Variants in PDC observed in about 807,000 individuals in gnomAD.
PDC encodes phosducin, also known as 33 kDa phototransducing protein.
In PDC, 19 loss-of-function variants were observed where a neutral mutation model predicts 22.2. The ratio of observed to expected loss-of-function variants is 0.86; its 90% CI spans 0.60 to 1.26. The LOEUF (loss-of-function observed/expected upper bound fraction) is 1.26, where lower values mean the gene tolerates loss of function less well. PDC is among the 50% of genes most tolerant of loss of function. The pLI is 0.00. For missense variants in PDC, 274 were observed against 286.8 expected, an observed-to-expected ratio of 0.96 and a Z score of 0.32; for synonymous variants, 97 against 96.2, an observed-to-expected ratio of 1.01 and a Z score of -0.05.
intron 1 of PDC, among the ~76,000 whole-genome samples, chr1:186,454,138 G>A (rs1235263212): frequency 6.7e-6 from 1 of 148,938 alleles, no homozygotes; most frequent in Non-Finnish European, 1.5e-5. Context: ...GAATGTAATA[G>A]AAGAGTCTGT....
chr1:186,449,062 G>A (rs1297214159), intron 2 of PDC, among the ~76,000 whole-genome samples: 1 of 151,968 alleles, frequency 6.6e-6, no homozygotes, highest in African/African-American at 2.4e-5. Context: ...GTCTAATCTT[G>A]TTTACAATGA....
chr1:186,454,168 C>CTTTTTTTTTT (rs397860509), intron 1 of PDC, among the ~76,000 whole-genome samples: 214 of 94,210 alleles, frequency 2.3e-3, no homozygotes, highest in East Asian at 2.8e-3. Context: ...TCTTTTCTTT[C>CTTTTTTTTTT]TTTTTTTTTT....
chr1:186,446,707 T>C, intron 2 of PDC, 130 bp from the exon 3 acceptor site: 1 of 518,194 alleles, frequency 1.9e-6, no homozygotes, highest in Non-Finnish European at 3.3e-6. Context: ...AACATCTTGT[T>C]TGGACTAGAA....
Position 186,452,791 on chromosome 1 carries a change from T to C in PDC, c.-24-3308A>G, listed in dbSNP as rs181062750. Among the ~76,000 whole-genome samples the C allele has an allele frequency of 1.5e-3, 232 of 152,290 alleles. 2 individuals carry two copies. The highest frequency in any genetic ancestry group is 0.014 in the Admixed American group (215 of 15,302). On this transcript the variant is annotated intron_variant, in intron 1 of 3. Transcript: ENST00000391997. ...TACAGGTCTTTGGGTAAGCACATCT[T>C]TGTGTGATTGGAAATTGGTAATAAA...
At chr1:186,459,035 G>T (rs1454847449) in intron 1 of PDC, among the ~76,000 whole-genome samples, 1 of 152,188 alleles carries the variant, frequency 6.6e-6, no homozygotes, top group Admixed American at 6.5e-5. Flanking sequence ...GGTGGTGGGT[G>T]CCTGTAGTCC....
chr1:186,457,678 G>T (rs1366618412), intron 1 of PDC, among the ~76,000 whole-genome samples: 1 of 152,072 alleles, frequency 6.6e-6, no homozygotes, highest in Non-Finnish European at 1.5e-5. Flanking sequence ...TTTACATTTG[G>T]TGGTATCATA....
chr1:186,452,118 C>T (rs1662365748), intron 1 of PDC, among the ~76,000 whole-genome samples: 1 of 152,182 alleles, frequency 6.6e-6, no homozygotes, highest in African/African-American at 2.4e-5. Context: ...TATTATGAGC[C>T]ATTAATAGAT....
At chr1:186,456,929 G>A (rs1662484645) in intron 1 of PDC, among the ~76,000 whole-genome samples, 1 of 152,314 alleles carries the variant, frequency 6.6e-6, no homozygotes, top group East Asian at 1.9e-4. Flanking sequence ...AAACTGCTAA[G>A]TGGGCAAAAT....
intron 2 of PDC, among the ~76,000 whole-genome samples, chr1:186,448,458 A>G (rs1048774672): frequency 3.3e-5 from 5 of 152,096 alleles, no homozygotes; most frequent in African/African-American, 1.2e-4. Flanking sequence ...GACACTGTCA[A>G]CTGAGTTGCA....
intron 2 of PDC, among the ~76,000 whole-genome samples, chr1:186,447,351 G>T (rs112697836): frequency 0.019 from 2,895 of 152,168 alleles, 101 homozygotes; most frequent in African/African-American, 0.067. Flanking sequence ...ATTTCACTAT[G>T]TTGGCCAGGC....
At chr1:186,459,868 TGC>T (rs1662546144) in intron 1 of PDC, among the ~76,000 whole-genome samples, 6 of 148,576 alleles carry the variant, frequency 4.0e-5, no homozygotes, top group Non-Finnish European at 5.9e-5. Flanking sequence ...ATTTTCATGA[TGC>T]AAACTGTAAG....
Position 186,447,629 on chromosome 1 carries a change from C to A in PDC, c.62-1052G>T, listed in dbSNP as rs190029608. ...TTAGCTATATCTACACCTTTAATGT[C>A]CATATTCTATATCATATTCTATATG... On this transcript the variant is annotated intron_variant, in intron 2 of 3. Transcript: ENST00000391997. 2.2e-4 allele frequency among the ~76,000 whole-genome samples: 33 copies of A among 152,176 alleles called. No homozygotes were observed. In the East Asian group the frequency reaches 6.2e-3, roughly 28 times the overall value.
chr1:186,451,339 A>C (rs1159367734), intron 1 of PDC: 1 of 152,216 alleles, frequency 6.6e-6, no homozygotes, highest in African/African-American at 2.4e-5. Context: ...AGCATAATGG[A>C]AAATGGAAAG....
intron 1 of PDC, among the ~76,000 whole-genome samples, chr1:186,459,223 A>G (rs1662529529): frequency 6.6e-6 from 1 of 152,154 alleles, no homozygotes; most frequent in Admixed American, 6.5e-5. Flanking sequence ...CCTCCTTTTC[A>G]GGCCCTAGAT....
chr1:186,454,168 C>CTTTTTTTTTTTTTTTTTT (rs397860509), intron 1 of PDC, among the ~76,000 whole-genome samples: 1 of 94,232 alleles, frequency 1.1e-5, no homozygotes, highest in East Asian at 3.5e-4. Flanking sequence ...TCTTTTCTTT[C>CTTTTTTTTTTTTTTTTTT]TTTTTTTTTT....
At position 186,444,181 on chromosome 1, in the gene PDC, C is replaced by T. The variant is rs753963861; in HGVS notation, c.539G>A (p.Arg180His). 1.1e-5 allele frequency: 18 copies of T among 1,613,250 alleles called. No homozygotes were observed. The highest frequency in any genetic ancestry group is 1.6e-4 in the Middle Eastern group (1 of 6,082). ...TGTAGGAAGTACATCTAAGGAAAAGCGGTCCCCAGCACCTGTATTCGAAGC... is the reference window on the plus strand; with the variant it reads ...TGTAGGAAGTACATCTAAGGAAAAGTGGTCCCCAGCACCTGTATTCGAAGC... ...IKASNTGAGD[R>H]FSLDVLPTLL... Residue 180 changes from arginine to histidine, a missense_variant, in exon 4 of 4, where the codon CGC becomes CAC. Transcript: ENST00000391997.
At chr1:186,446,364 G>T in intron 3 of PDC, 62 bp downstream of exon 3, 1 of 1,242,066 alleles carries the variant, frequency 8.1e-7, no homozygotes, top group South Asian at 1.6e-5. Context: ...TGATTCTCTA[G>T]ATTGATTTAG....
chr1:186,451,080 C>T (rs562826940), intron 1 of PDC: 2 of 152,298 alleles, frequency 1.3e-5, no homozygotes, highest in African/African-American at 4.8e-5. Flanking sequence ...AGGGTGGTAA[C>T]ACAGAACTCT....
chr1:186,454,168 CTTTTTTTTTTTTT>C (rs397860509), intron 1 of PDC, among the ~76,000 whole-genome samples: 1 of 94,230 alleles, frequency 1.1e-5, no homozygotes, highest in Non-Finnish European at 2.0e-5. Flanking sequence ...TCTTTTCTTT[CTTTTTTTTTTTTT>C]TTTTTTTTTT....
Sources: gnomAD v4.1 joint callset for allele counts (sites outside exome capture counted in the v4.1 genomes callset) on GRCh38, gnomAD v4.1.1 for gene constraint, MANE v1.5 for transcripts, NCBI Gene and HGNC (gene_info 2026-07-23, HGNC 2026-07-21) for gene names.